Variants in SERHL2 observed in about 807,000 individuals in gnomAD.
SERHL2 encodes the protein serine hydrolase like 2, also known as serine hydrolase-like protein 2.
Under a neutral mutation model 25.5 loss-of-function variants are expected in SERHL2, and 29 were observed. The ratio of observed to expected loss-of-function variants is 1.14; its 90% confidence interval spans 0.85 to 1.55. SERHL2 has a LOEUF of 1.55. SERHL2 is among the 40% of genes most tolerant of loss of function. The pLI, the probability that SERHL2 is intolerant of heterozygous loss-of-function variation, is 0.00. For synonymous variants in SERHL2, 95 were observed against 103.5 expected (o/e 0.92, Z 0.50); for missense variants, 240 against 252.3 (o/e 0.95, Z 0.33).
intron 8 of SERHL2, among the ~76,000 whole-genome samples, chr22:42,561,545 T>C (rs1922682029): frequency 6.6e-6 from 1 of 151,434 alleles, no homozygotes; most frequent in Non-Finnish European, 1.5e-5. Flanking sequence ...CTATGGGCTG[T>C]GTAGGGACTT....
chr22:42,573,580 A>G (rs1251292368), intron 11 of SERHL2: 8 of 238,386 alleles, frequency 3.4e-5, no homozygotes, highest in South Asian at 1.8e-4. Context: ...TCTTGAAGGC[A>G]GACACAAGTC....
At chr22:42,569,373 C>T (rs9620064) in intron 9 of SERHL2, 2 of 151,776 alleles carry the variant, frequency 1.3e-5, no homozygotes, top group East Asian at 3.9e-4. Context: ...ATTCTCCTGC[C>T]TCAGCCTCCT....
At position 42,560,184 on chromosome 22, in the gene SERHL2, A is replaced by T. The variant is rs781378984; in HGVS notation, c.534-2A>T. On this transcript the variant is annotated splice_acceptor_variant, in intron 7 of 11. Transcript: ENST00000327678. LOFTEE classifies it high-confidence loss of function. Reference sequence around the variant, plus strand: ...ACCCAGCATCCTTCTGTCTCCCCCCAGGTTACTGAAGAGCAATAGCCACTT... The same window carrying T: ...ACCCAGCATCCTTCTGTCTCCCCCCTGGTTACTGAAGAGCAATAGCCACTT... 1.9e-6 allele frequency: 3 copies of T among 1,609,804 alleles called. No homozygotes were observed. In the Admixed American group the frequency reaches 5.0e-5, roughly 27 times the overall value.
intron 8 of SERHL2, among the ~76,000 whole-genome samples, chr22:42,561,090 A>C (rs1445791921): frequency 6.6e-6 from 1 of 151,854 alleles, no homozygotes; most frequent in Non-Finnish European, 1.5e-5. Context: ...CTTGGAAGAG[A>C]AGCAGATGAT....
intron 9 of SERHL2, chr22:42,569,104 A>C (rs1923800130): frequency 6.6e-6 from 1 of 151,332 alleles, no homozygotes; most frequent in African/African-American, 2.4e-5. Context: ...GCTGGTTTCG[A>C]ACTCCTGACC....
chr22:42,564,768 T>C (rs1344824880), intron 8 of SERHL2, among the ~76,000 whole-genome samples: 1 of 151,920 alleles, frequency 6.6e-6, no homozygotes, highest in Non-Finnish European at 1.5e-5. Context: ...TCTCCCTTCA[T>C]GGCTCTTTTA....
intron 7 of SERHL2, among the ~76,000 whole-genome samples, chr22:42,559,537 T>G (rs1031743173): frequency 2.6e-5 from 4 of 151,520 alleles, no homozygotes; most frequent in African/African-American, 9.7e-5. Context: ...CTGTGTCTAC[T>G]AAAAAATACA....
chr22:42,566,502 G>A (rs1923408704), intron 9 of SERHL2, among the ~76,000 whole-genome samples, 164 bp downstream of exon 9: 1 of 151,162 alleles, frequency 6.6e-6, no homozygotes, highest in South Asian at 2.1e-4. Flanking sequence ...GTTGCATTGA[G>A]CCGAGATAGC....
intron 10 of SERHL2, 115 bp downstream of exon 10, chr22:42,571,318 T>C (rs1297584073): frequency 1.3e-6 from 2 of 1,538,710 alleles, no homozygotes; most frequent in Non-Finnish European, 1.8e-6. Flanking sequence ...ACCACATCGC[T>C]AAGGCTCAAG....
In SERHL2 at chr22:42,574,022, A is replaced by G; in HGVS notation, c.912A>G (p.Leu304=). The part of the protein sequence containing the change: ...QHVASIISSF[L]QCTHMLPAQL The stretch of plus-strand genomic sequence containing the variant: ...TGGCCAGTATCATCAGCTCCTTCTT[A>G]CAGTGCACACACATGCTCCCAGCCC... Residue 304 remains leucine (L), a synonymous_variant, in exon 12 of 12, where the codon TTA becomes TTG. Transcript: ENST00000327678. 1 of 1,610,706 alleles carries G rather than the reference A, an allele frequency of 6.2e-7. No individual in the cohort carries two copies. The highest frequency in any genetic ancestry group is 8.5e-7 in the Non-Finnish European group (1 of 1,178,854).
intron 10 of SERHL2, 141 bp downstream of exon 10, chr22:42,571,344 C>A: frequency 2.7e-6 from 4 of 1,485,002 alleles, no homozygotes; most frequent in Non-Finnish European, 3.6e-6. Flanking sequence ...TTTTGGGAAG[C>A]CCCCCTGGCA....
intron 9 of SERHL2, among the ~76,000 whole-genome samples, chr22:42,568,348 A>AGCTAGTTATTCCC (rs71186506): frequency 6.8e-6 from 1 of 147,348 alleles, no homozygotes; most frequent in African/African-American, 2.6e-5. Flanking sequence ...CTAGATGAAC[A>AGCTAGTTATTCCC]ATACCAGCTG....
intron 11 of SERHL2, 137 bp from the exon 12 acceptor site, chr22:42,573,799 T>C (rs562419539): frequency 1.2e-6 from 1 of 812,764 alleles, no homozygotes; most frequent in Admixed American, 2.3e-5. Context: ...GAGCCGAGTG[T>C]GGGGGAAACT....
intron 8 of SERHL2, among the ~76,000 whole-genome samples, chr22:42,564,085 G>C (rs1923031439): frequency 6.6e-6 from 1 of 151,422 alleles, no homozygotes. Flanking sequence ...AAAAAAAAAA[G>C]ACAAGAAAAA....
chr22:42,563,338 G>A (rs960629674), intron 8 of SERHL2: 3 of 337,042 alleles, frequency 8.9e-6, no homozygotes, highest in Non-Finnish European at 1.8e-5. Context: ...TGAGTAGCTG[G>A]GACCACAAGT....
rs771701981 is a variant in SERHL2 at position 42,560,201 on chromosome 22, T to C, written c.549T>C (p.Asn183=). 2 of 1,612,452 alleles carry C rather than the reference T, an allele frequency of 1.2e-6. No individual in the cohort carries two copies. The highest frequency in any genetic ancestry group is 1.7e-6 in the Non-Finnish European group (2 of 1,178,798). ...CTCCCCCCAGGTTACTGAAGAGCAATAGCCACTTGAGTGAGGAGTGCGGGG... is the reference window on the plus strand; with the variant it reads ...CTCCCCCCAGGTTACTGAAGAGCAACAGCCACTTGAGTGAGGAGTGCGGGG... ...KQLLQRLLKS[N]SHLSEECGEL... The change falls in exon 8 of 12, where the codon AAT becomes AAC. Residue 183 remains asparagine (N), a synonymous_variant. Transcript: ENST00000327678.
chr22:42,569,871 GTGTT>G (rs1464266744), intron 9 of SERHL2: 1 of 141,336 alleles, frequency 7.1e-6, no homozygotes, highest in Non-Finnish European at 1.5e-5. Context: ...GTGTGTGTGT[GTGTT>G]CATGGCAATT....
intron 9 of SERHL2, among the ~76,000 whole-genome samples, chr22:42,568,971 TC>T (rs1463047327): frequency 6.6e-6 from 1 of 151,484 alleles, no homozygotes; most frequent in Non-Finnish European, 1.5e-5. Context: ...AACCTCCACC[TC>T]CTGGGATCAA....
chr22:42,563,945 T>A (rs1472820113), intron 8 of SERHL2, among the ~76,000 whole-genome samples: 1 of 149,354 alleles, frequency 6.7e-6, no homozygotes, highest in East Asian at 2.0e-4. Flanking sequence ...TGATGGCGCA[T>A]GCCTGTAATC....
Sources: allele counts gnomAD v4.1 joint callset (sites outside exome capture counted in the v4.1 genomes callset), GRCh38; gene constraint gnomAD v4.1.1; transcripts MANE v1.5; gene names NCBI Gene and HGNC (gene_info 2026-07-23, HGNC 2026-07-21).